EML2: variants seen among roughly 807,000 people sequenced by gnomAD.
EML2 encodes the protein echinoderm microtubule-associated protein-like 2.
In EML2, 59 loss-of-function variants were observed where a neutral mutation model predicts 84.7. That is an observed-to-expected ratio of 0.70 (90% CI 0.56 to 0.86). The LOEUF (loss-of-function observed/expected upper bound fraction) is 0.86, where lower values mean the gene tolerates loss of function less well. Ranked by LOEUF, EML2 falls within the 40% of genes least tolerant of loss-of-function variation. The pLI is 0.00. For synonymous variants in EML2, 352 were observed against 348.9 expected (o/e 1.01, Z -0.10); for missense variants, 818 against 855.6 (o/e 0.96, Z 0.55).
chr19:45,615,630 G>A (rs1264084517), intron 16 of EML2, among the ~76,000 whole-genome samples, 172 bp downstream of exon 16: 1 of 151,976 alleles, frequency 6.6e-6, no homozygotes, highest in African/African-American at 2.4e-5. Flanking sequence ...TTGACTAAAA[G>A]TGGGGTATAC....
chr19:45,621,381 T>C, intron 10 of EML2, 49 bp from the exon 11 acceptor site: 3 of 1,575,294 alleles, frequency 1.9e-6, no homozygotes, highest in Non-Finnish European at 2.6e-6. Context: ...CACGGGTGGG[T>C]GTGGGGTGAC....
intron 3 of EML2, among the ~76,000 whole-genome samples, chr19:45,636,734 G>A (rs576199867): frequency 6.6e-6 from 1 of 152,328 alleles, no homozygotes; most frequent in Admixed American, 6.5e-5. Flanking sequence ...ATCACTTGAG[G>A]TCAGGAGTCC....
rs763000853 is a variant in EML2 at position 45,619,114 on chromosome 19, C to G, written c.1200G>C (p.Leu400=). 1 of 1,613,378 alleles carries G rather than the reference C, an allele frequency of 6.2e-7. No individual in the cohort carries two copies. Among genetic ancestry groups the G allele is most frequent in the South Asian group, 1.1e-5 (1 of 91,018 alleles). The change falls in exon 12 of 19, where the codon CTG becomes CTC. Residue 400 remains leucine (L), a synonymous_variant. Transcript: ENST00000245925. The part of the protein sequence containing the change: ...AQFVTCGQDK[L]VHLWSSDSHQ... ...GGGAATCTGAGCTCCATAGATGCAC[C>G]AGCTTATCCTGCCCGCAGGTCACAA...
chr19:45,614,709 G>C lies in EML2; in HGVS notation c.1598-9C>G, dbSNP rs746170320. The stretch of plus-strand genomic sequence containing the variant: ...ACAGGTAGCCGGGTCCCCTGGGGCA[G>C]AAAATGGGAGGAGACATTCAGAGTT... On this transcript the variant is annotated splice_polypyrimidine_tract_variant and intron_variant, in intron 16 of 18. Coordinates refer to ENST00000245925, the MANE Select transcript of EML2 (RefSeq NM_012155.4). 6.2e-7 allele frequency: 1 copy of C among 1,610,650 alleles called. No individual in the cohort carries two copies. The highest frequency in any genetic ancestry group is 1.3e-5 in the African/African-American group (1 of 74,982).
chr19:45,634,601 G>T (rs927951567), intron 3 of EML2, 130 bp from the exon 4 acceptor site: 1 of 610,010 alleles, frequency 1.6e-6, no homozygotes. Flanking sequence ...TCACTCTGTC[G>T]CCCAGGCTGG....
chr19:45,645,353 C>A (rs1364022485), upstream of EML2: 10 of 1,529,384 alleles, frequency 6.5e-6, no homozygotes, highest in Admixed American at 5.9e-5. Flanking sequence ...CCCACCACAG[C>A]CACCGCCGGC....
chr19:45,629,875 G>T, intron 7 of EML2, 76 bp downstream of exon 7: 1 of 1,174,876 alleles, frequency 8.5e-7, no homozygotes, highest in Non-Finnish European at 1.3e-6. Flanking sequence ...CTATCTGATT[G>T]CAGACTCCTA....
chr19:45,641,704 C>T (rs1465534181), upstream of EML2: 255 of 1,536,004 alleles, frequency 1.7e-4, no homozygotes, highest in Non-Finnish European at 1.3e-4. Flanking sequence ...GTCCTCACGG[C>T]GCACCGAGGC....
intron 11 of EML2, chr19:45,619,425 C>A: frequency 2.7e-6 from 1 of 363,834 alleles, no homozygotes; most frequent in Non-Finnish European, 5.0e-6. Flanking sequence ...CTGCTTTCTT[C>A]TTTGCACAAT....
chr19:45,638,434 GCTGC>G, intron 3 of EML2, 67 bp downstream of exon 3: 1 of 1,604,388 alleles, frequency 6.2e-7, no homozygotes, highest in Non-Finnish European at 8.5e-7. Context: ...ACAGGCCTGA[GCTGC>G]CTTGACCGCC....
At chr19:45,624,927 G>GT in intron 8 of EML2, 109 bp from the exon 9 acceptor site, 1 of 756,184 alleles carries the variant, frequency 1.3e-6, no homozygotes, top group Non-Finnish European at 2.3e-6. Flanking sequence ...CTATCTATGC[G>GT]TTTAGGGTAA....
In EML2 at chr19:45,621,485, C is replaced by T. The variant is rs916564781; in HGVS notation, c.994G>A (p.Glu332Lys). Residue 332 changes from glutamate (E) to lysine (K), a missense_variant and splice_region_variant, in exon 10 of 19, where the codon GAG becomes AAG. Transcript: ENST00000245925. ...CTGAGCCCACTGCCCCTCCTCACCT[C>T]CACTTCCTGCAGCTTGCTGTAGTCA... ...GSDYSKLQEV[E>K]VPEDFGPVRT... 7 of 1,610,018 alleles carry T rather than the reference C, an allele frequency of 4.3e-6. No homozygotes were observed. Among genetic ancestry groups the T allele is most frequent in the Middle Eastern group, 1.7e-4 (1 of 6,058 alleles).
chr19:45,643,817 C>A, upstream of EML2: 1 of 1,428,986 alleles, frequency 7.0e-7, no homozygotes, highest in African/African-American at 1.4e-5. Flanking sequence ...CTCCCAGGTC[C>A]GGTGCCTGGA....
chr19:45,624,989 G>A (rs1375866004), intron 8 of EML2, among the ~76,000 whole-genome samples, 171 bp from the exon 9 acceptor site: 1 of 152,136 alleles, frequency 6.6e-6, no homozygotes, highest in Non-Finnish European at 1.5e-5. Context: ...GGCCTGCAGT[G>A]CTTCGGTGGC....
chr19:45,642,558 A>T, upstream of EML2: 1 of 1,357,172 alleles, frequency 7.4e-7, no homozygotes, highest in Non-Finnish European at 9.5e-7. Flanking sequence ...CCATCCGCAC[A>T]CTCCTCTCTG....
chr19:45,638,892 G>GA lies in EML2; in HGVS notation c.21-20dup, dbSNP rs748323058. 2.8e-4 allele frequency: 439 copies of GA among 1,590,664 alleles called. 2 individuals carry two copies. The African/African-American group carries it at 3.3e-3, about 12-fold the overall frequency. ...GGTTTTGCTGTCAGGAAAGGACAAA[G>GA]AAAAAAAAAGGGTCTTAGTATTCAG... On this transcript the variant is annotated intron_variant, in intron 1 of 18. Transcript: ENST00000245925.
chr19:45,619,257 G>A, intron 11 of EML2, 66 bp from the exon 12 acceptor site: 1 of 1,529,948 alleles, frequency 6.5e-7, no homozygotes, highest in Non-Finnish European at 8.8e-7. Flanking sequence ...CAACACTAAT[G>A]CCAGACAAAT....
chr19:45,634,860 T>C (rs1025533268), intron 3 of EML2, among the ~76,000 whole-genome samples: 2 of 150,224 alleles, frequency 1.3e-5, no homozygotes, highest in Admixed American at 6.6e-5. Context: ...ATTTATTTTT[T>C]CTTTTTTTTG....
chr19:45,638,446 G>A (rs545534196), intron 3 of EML2, 59 bp downstream of exon 3: 11 of 1,609,764 alleles, frequency 6.8e-6, no homozygotes, highest in Middle Eastern at 1.9e-4. Flanking sequence ...TGCCTTGACC[G>A]CCTTTCTATT....
Sources: gnomAD v4.1 joint callset for allele counts (sites outside exome capture counted in the v4.1 genomes callset) on GRCh38, gnomAD v4.1.1 for gene constraint, MANE v1.5 for transcripts, NCBI Gene and HGNC (gene_info 2026-07-23, HGNC 2026-07-21) for gene names.